KIF15: variants seen among roughly 807,000 people sequenced by gnomAD.
KIF15 encodes kinesin-like protein KIF15.
A neutral mutation model predicts 190.6 loss-of-function variants in KIF15; 140 were observed. The observed-to-expected ratio is 0.73, with a 90% CI of 0.64 to 0.84. The LOEUF is 0.84. Ranked by LOEUF, KIF15 falls within the 40% of genes least tolerant of loss-of-function variation. The pLI is 0.00. For synonymous variants in KIF15, 528 were observed against 551.3 expected (o/e 0.96, Z 0.59); for missense variants, 1,372 against 1,584.4 (o/e 0.87, Z 2.28).
At chr3:44,864,110 A>G in intron 6 of KIF15, 2 of 1,563,768 alleles carry the variant, frequency 1.3e-6, no homozygotes, top group Non-Finnish European at 8.8e-7. Context: ...CCTGGGTGCC[A>G]GCAACCACAG....
intron 6 of KIF15, chr3:44,864,911 G>C: frequency 8.0e-7 from 1 of 1,245,522 alleles, no homozygotes; most frequent in South Asian, 1.5e-5. Context: ...TGACAGCTAG[G>C]TTTCAAGCCC....
At chr3:44,866,864 C>T (rs547540613) in intron 6 of KIF15, among the ~76,000 whole-genome samples, 2 of 152,320 alleles carry the variant, frequency 1.3e-5, no homozygotes, top group African/African-American at 4.8e-5. Flanking sequence ...TTCTCAAATC[C>T]ACCATGTCCA....
Position 44,852,807 on chromosome 3 carries a change from C to T in KIF15, c.*72C>T. The T allele has an allele frequency of 1.6e-6, 2 of 1,248,870 alleles. No homozygotes were observed. The highest frequency in any genetic ancestry group is 2.3e-6 in the Non-Finnish European group (2 of 882,130). The allele number at this position is 1,248,870 out of a possible 1,614,324, so 77.4% of individuals were successfully genotyped here. A position where few individuals can be genotyped will look rare whatever the true frequency, so the allele number is the denominator to read the frequency against. ...TTCTCTTTTACAAGTAAGACCTACT[C>T]CTGGCCACTTAGGAGAGCTGAATTT... On this transcript the variant is annotated 3_prime_UTR_variant, in exon 35 of 35. Coordinates refer to ENST00000326047, the MANE Select transcript of KIF15 (RefSeq NM_020242.3).
chr3:44,866,024 T>G lies in KIF15; in HGVS notation c.*60-7305T>G, dbSNP rs567041923. ...TTAGGGCTCTTCTGTCATTTGCTTT[T>G]CTTTCTCAGATTCCCCTTTGGTTTT... On this transcript the variant is annotated intron_variant and NMD_transcript_variant, in intron 6 of 6. Coordinates refer to the KIF15 transcript ENST00000422209. 6.9e-4 allele frequency among the ~76,000 whole-genome samples: 105 copies of G among 152,254 alleles called. 2 individuals carry two copies. Among genetic ancestry groups the G allele is most frequent in the African/African-American group, 2.3e-3 (96 of 41,570 alleles).
In KIF15 at chr3:44,826,472, T is replaced by A. The variant is rs1029700240; in HGVS notation, c.2786+12T>A. The A allele has an allele frequency of 8.5e-6, 13 of 1,535,928 alleles. No homozygotes were observed. The highest frequency in any genetic ancestry group is 1.1e-5 in the Non-Finnish European group (12 of 1,116,154). On this transcript the variant is annotated intron_variant, in intron 22 of 34. Coordinates refer to ENST00000326047, the MANE Select transcript of KIF15 (RefSeq NM_020242.3). Reference sequence around the variant, plus strand: ...GAAAACAGTTCTAAGTGAGTGCTATTTATTTTTTCTACTAGCATACTAGAA... The same window carrying A: ...GAAAACAGTTCTAAGTGAGTGCTATATATTTTTTCTACTAGCATACTAGAA...
At chr3:44,863,534 G>A (rs1395463571) in intron 6 of KIF15, 2 of 152,260 alleles carry the variant, frequency 1.3e-5, no homozygotes, top group Admixed American at 1.3e-4. Context: ...TAAGAGCATG[G>A]AGGTACACTG....
intron 10 of KIF15, among the ~76,000 whole-genome samples, chr3:44,798,511 C>T (rs1250039230): frequency 6.6e-6 from 1 of 151,990 alleles, no homozygotes; most frequent in Non-Finnish European, 1.5e-5. Context: ...CGGGATTTCA[C>T]CGTGTTAGCC....
chr3:44,867,724 T>G (rs1049364214), intron 6 of KIF15, among the ~76,000 whole-genome samples: 15 of 152,234 alleles, frequency 9.9e-5, no homozygotes, highest in African/African-American at 3.4e-4. Context: ...AAGAGGAAGA[T>G]CAGTCATTCT....
chr3:44,815,005 G>C lies in KIF15; in HGVS notation c.2478G>C (p.Thr826=). 6.2e-7 allele frequency: 1 copy of C among 1,612,666 alleles called. No individual in the cohort carries two copies. Residue 826 remains threonine, a synonymous_variant, in exon 20 of 35, where the codon ACG becomes ACC. Transcript: ENST00000326047. ...AATTGGAATATAGTTCATTCAAAAC[G>C]AATCAGGAGAAAGAATTCAACAAAC... ...SVKLEYSSFK[T]NQEKEFNKLS...
At position 44,842,802 on chromosome 3, in the gene KIF15, T is replaced by G. The variant is rs115928073; in HGVS notation, c.3586-323T>G. The stretch of plus-strand genomic sequence containing the variant: ...TTTTTTGTTTTAATTAGAATCTACG[T>G]AATAAATAGAATCGAATAGTTGAGA... On this transcript the variant is annotated intron_variant, in intron 29 of 34. Transcript: ENST00000326047. Among the ~76,000 whole-genome samples the G allele has an allele frequency of 4.4e-3, 665 of 152,354 alleles. 1 individual carries two copies. The highest frequency in any genetic ancestry group is 7.5e-3 in the Non-Finnish European group (507 of 68,032).
Position 44,813,141 on chromosome 3 carries a change from C to T in KIF15, c.2344C>T (p.Leu782Phe). The change falls in exon 19 of 35, where the codon CTT becomes TTT. Residue 782 changes from leucine (L) to phenylalanine (F), a missense_variant. Coordinates refer to ENST00000326047, the MANE Select transcript of KIF15 (RefSeq NM_020242.3). Reference protein sequence around the residue: ...QEELLSQLNVLEKQLQETQTK... With the variant: ...QEELLSQLNVFEKQLQETQTK... ...AGAGCTTCTCTCACAGTTGAATGTC[C>T]TTGAAAAGCAGCTTCAAGAGACTCA... The T allele has an allele frequency of 1.2e-6, 2 of 1,602,706 alleles. No individual in the cohort carries two copies. Among genetic ancestry groups the T allele is most frequent in the East Asian group, 2.3e-5 (1 of 44,308 alleles).
chr3:44,833,328 G>C (rs950769398), intron 26 of KIF15, among the ~76,000 whole-genome samples: 1 of 151,988 alleles, frequency 6.6e-6, no homozygotes, highest in African/African-American at 2.4e-5. Context: ...TACATTTACT[G>C]TGTACTTTAT....
chr3:44,824,809 G>C (rs1031166828), intron 20 of KIF15, among the ~76,000 whole-genome samples: 1 of 152,134 alleles, frequency 6.6e-6, no homozygotes, highest in East Asian at 1.9e-4. Context: ...ACCCAGGCTG[G>C]AGCACAGTGG....
At chr3:44,842,397 A>G (rs1698654514) in intron 29 of KIF15, among the ~76,000 whole-genome samples, 1 of 152,192 alleles carries the variant, frequency 6.6e-6, no homozygotes, top group Non-Finnish European at 1.5e-5. Context: ...GATGCTCCAC[A>G]GAAGATAGCA....
intron 12 of KIF15, 36 bp downstream of exon 12, chr3:44,801,562 ATAGT>A (rs777837952): frequency 3.8e-5 from 52 of 1,364,338 alleles, no homozygotes; most frequent in African/African-American, 3.6e-4. Flanking sequence ...GAGATTCAAG[ATAGT>A]TAGTTTTTTG....
intron 16 of KIF15, among the ~76,000 whole-genome samples, chr3:44,810,572 T>C (rs1329428761): frequency 6.6e-6 from 1 of 152,172 alleles, no homozygotes; most frequent in Non-Finnish European, 1.5e-5. Context: ...TTCTTTTTAA[T>C]TGTCTTGTCT....
rs1251327732 is a variant in KIF15 at position 44,861,933 on chromosome 3, G to A, written c.*59+9139G>A. ...CGGTGTCAGCAGGCAACATGGCCGA[G>A]AGGCCGGGGCCTCCGGGCGGCGCCG... On this transcript the variant is annotated intron_variant and NMD_transcript_variant, in intron 6 of 6. Coordinates refer to the KIF15 transcript ENST00000422209. The A allele has an allele frequency of 2.1e-6, 3 of 1,441,508 alleles. No homozygotes were observed. In the Middle Eastern group the frequency reaches 5.6e-4, roughly 271 times the overall value. 89.3% of individuals were successfully genotyped at this position (1,441,508 alleles called of 1,614,324 possible). A position where few individuals can be genotyped will look rare whatever the true frequency, so the allele number is the denominator to read the frequency against.
chr3:44,829,685 ATT>A lies in KIF15; in HGVS notation c.2944-285_2944-284del, dbSNP rs1259743156. ...ATGTATATATAATATATGTATATATATTATAGATGTATATATATTATAGATGT... is the reference window on the plus strand; with the variant it reads ...ATGTATATATAATATATGTATATATAATAGATGTATATATATTATAGATGT... On this transcript the variant is annotated intron_variant, in intron 24 of 34. Transcript: ENST00000326047. Among the ~76,000 whole-genome samples, 174 of 123,790 alleles carry A rather than the reference ATT, an allele frequency of 1.4e-3. 5 individuals carry two copies. Among genetic ancestry groups the A allele is most frequent in the African/African-American group, 5.2e-3 (154 of 29,772 alleles). The allele number at this position is 123,790 out of a possible 152,430, so 81.2% of individuals were successfully genotyped here. A position where few individuals can be genotyped will look rare whatever the true frequency, so the allele number is the denominator to read the frequency against.
intron 5 of KIF15, among the ~76,000 whole-genome samples, chr3:44,784,318 G>T (rs996658106): frequency 6.6e-6 from 1 of 151,120 alleles, no homozygotes; most frequent in Non-Finnish European, 1.5e-5. Context: ...GACTACAGGC[G>T]CCCGCTACCA....
Sources: allele counts gnomAD v4.1 joint callset (sites outside exome capture counted in the v4.1 genomes callset), GRCh38; gene constraint gnomAD v4.1.1; transcripts MANE v1.5; gene names NCBI Gene and HGNC (gene_info 2026-07-23, HGNC 2026-07-21).